MAD1L1: variants seen among roughly 807,000 people sequenced by gnomAD.
MAD1L1 encodes mitotic arrest deficient 1 like 1, also known as mitotic spindle assembly checkpoint protein MAD1.
A neutral mutation model predicts 96.9 loss-of-function variants in MAD1L1; 95 were observed. The observed-to-expected ratio is 0.98, with a 90% CI of 0.83 to 1.16. MAD1L1 has a LOEUF of 1.16. Ranked by LOEUF, MAD1L1 falls within the 50% of genes most tolerant of loss-of-function variation. MAD1L1 has a pLI of 0.00. For synonymous variants in MAD1L1, 473 were observed against 396.6 expected (o/e 1.19, Z -2.29); for missense variants, 1,007 against 954.4 (o/e 1.06, Z -0.73).
chr7:1,938,489 A>T (rs996649106), intron 16 of MAD1L1, among the ~76,000 whole-genome samples: 2 of 152,248 alleles, frequency 1.3e-5, no homozygotes, highest in Admixed American at 6.5e-5. Flanking sequence ...GCACCCACAG[A>T]GCAGGAGGTG....
At chr7:2,022,394 G>A (rs1782826931) in intron 12 of MAD1L1, among the ~76,000 whole-genome samples, 1 of 152,192 alleles carries the variant, frequency 6.6e-6, no homozygotes, top group Non-Finnish European at 1.5e-5. Context: ...ACTTTGGGAG[G>A]CTGAGGCAGG....
intron 17 of MAD1L1, among the ~76,000 whole-genome samples, chr7:1,910,490 C>T (rs142812887): frequency 6.9e-4 from 105 of 152,362 alleles, no homozygotes; most frequent in African/African-American, 2.2e-3. Flanking sequence ...ACACCCGCCG[C>T]GGAGCCAAAG....
At chr7:1,965,769 G>A (rs940130715) in intron 15 of MAD1L1, among the ~76,000 whole-genome samples, 8 of 152,384 alleles carry the variant, frequency 5.2e-5, no homozygotes, top group Non-Finnish European at 7.3e-5. Flanking sequence ...CTCTAGCTGC[G>A]TTTTCCTCCC....
chr7:2,010,937 G>C (rs1782271485), intron 13 of MAD1L1, among the ~76,000 whole-genome samples: 1 of 152,220 alleles, frequency 6.6e-6, no homozygotes, highest in Non-Finnish European at 1.5e-5. Context: ...AAGGGAGAGG[G>C]AAAGATGGAG....
At chr7:1,862,533 C>T (rs879931981) in intron 18 of MAD1L1, among the ~76,000 whole-genome samples, 15 of 152,234 alleles carry the variant, frequency 9.9e-5, no homozygotes, top group Admixed American at 9.8e-4. Flanking sequence ...CTGTGTGAGT[C>T]TCTCAACCTT....
At chr7:2,072,242 G>A (rs1785167061) in intron 11 of MAD1L1, among the ~76,000 whole-genome samples, 1 of 152,194 alleles carries the variant, frequency 6.6e-6, no homozygotes, top group Admixed American at 6.5e-5. Flanking sequence ...GTCCCAGGCA[G>A]AACCAACTGC....
chr7:1,847,651 G>A (rs527480237), intron 18 of MAD1L1: 6 of 470,708 alleles, frequency 1.3e-5, no homozygotes, highest in African/African-American at 6.0e-5. Flanking sequence ...AGCTGCCCTC[G>A]GCCCATCTCC....
chr7:1,919,768 T>C (rs1337394697), intron 17 of MAD1L1, among the ~76,000 whole-genome samples: 1 of 152,256 alleles, frequency 6.6e-6, no homozygotes, highest in East Asian at 1.9e-4. Flanking sequence ...GCTGGGACCA[T>C]GGCCCAAGTC....
chr7:2,064,761 C>T (rs1784807174), intron 12 of MAD1L1, among the ~76,000 whole-genome samples: 1 of 151,560 alleles, frequency 6.6e-6, no homozygotes, highest in Admixed American at 6.6e-5. Context: ...AGGATGGCAG[C>T]TTCTCCTAGG....
intron 11 of MAD1L1, among the ~76,000 whole-genome samples, chr7:2,137,250 GT>G (rs1788797780): frequency 6.6e-6 from 1 of 152,206 alleles, no homozygotes; most frequent in Admixed American, 6.5e-5. Flanking sequence ...CATTCAAGTA[GT>G]ATTCATTTCT....
intron 18 of MAD1L1, among the ~76,000 whole-genome samples, chr7:1,834,850 C>T (rs1486811229): frequency 2.6e-5 from 4 of 151,888 alleles, no homozygotes; most frequent in Non-Finnish European, 5.9e-5. Flanking sequence ...GAAGACATTA[C>T]AAGCCGCACC....
intron 10 of MAD1L1, among the ~76,000 whole-genome samples, chr7:2,163,861 T>C (rs1297265994): frequency 6.6e-6 from 1 of 151,998 alleles, no homozygotes. Flanking sequence ...TGCCAAGAAT[T>C]ACTGGGAACA....
At chr7:1,872,416 G>A (rs989945932) in intron 18 of MAD1L1, among the ~76,000 whole-genome samples, 9 of 152,172 alleles carry the variant, frequency 5.9e-5, no homozygotes, top group South Asian at 2.1e-4. Context: ...CACCCTCTGC[G>A]CTGCGGCTTC....
At chr7:1,911,731 G>A (rs1017864186) in intron 17 of MAD1L1, among the ~76,000 whole-genome samples, 5 of 152,060 alleles carry the variant, frequency 3.3e-5, no homozygotes, top group African/African-American at 7.3e-5. Context: ...CCAGTCTGGC[G>A]TCACCTCCAG....
intron 17 of MAD1L1, among the ~76,000 whole-genome samples, chr7:1,917,528 G>A (rs1583779873): frequency 6.6e-6 from 1 of 152,246 alleles, no homozygotes; most frequent in Non-Finnish European, 1.5e-5. Flanking sequence ...GGATGTGTCA[G>A]GCACTGAAGA....
intron 15 of MAD1L1, among the ~76,000 whole-genome samples, chr7:1,976,033 A>C (rs1356442581): frequency 6.6e-6 from 1 of 152,028 alleles, no homozygotes; most frequent in Non-Finnish European, 1.5e-5. Context: ...CTGCCTCTTA[A>C]AAATCCCCAC....
intron 17 of MAD1L1, among the ~76,000 whole-genome samples, chr7:1,915,911 G>A (rs73048201): frequency 0.049 from 7,528 of 152,286 alleles, 278 homozygotes; most frequent in Admixed American, 0.1. Context: ...AAAGTGATTC[G>A]TTATACTTCA....
rs1462119848 is a variant in MAD1L1 at position 2,114,623 on chromosome 7, A to G, written c.1073+34529T>C. Among the ~76,000 whole-genome samples the G allele has an allele frequency of 3.9e-5, 6 of 152,222 alleles. No homozygotes were observed. The highest frequency in any genetic ancestry group is 1.4e-4 in the African/African-American group (6 of 41,462). On this transcript the variant is annotated intron_variant, in intron 11 of 18. Coordinates refer to ENST00000265854, the MANE Select transcript of MAD1L1 (RefSeq NM_001013836.2). This position sits in a 1 kb window ranked among gnomAD's most constrained non-coding sequence, Gnocchi z 4.2. ...GGTTTCTTAACAGGGTCCAACAACT[A>G]CAGCCTGTGGCCAAATCCCACCCAC...
intron 15 of MAD1L1, among the ~76,000 whole-genome samples, chr7:1,978,206 G>A (rs536019117): frequency 1.3e-5 from 2 of 152,316 alleles, no homozygotes; most frequent in East Asian, 3.9e-4. Context: ...CCTTGGCCTT[G>A]GTGAGCTCCT....
Sources: allele counts gnomAD v4.1 joint callset (sites outside exome capture counted in the v4.1 genomes callset), GRCh38; gene constraint gnomAD v4.1.1; non-coding constraint Gnocchi (gnomAD v3.1); transcripts MANE v1.5; gene names NCBI Gene and HGNC (gene_info 2026-07-23, HGNC 2026-07-21).